The following BMPR1B variants were observed in gnomAD, a reference collection of about 807,000 sequenced individuals.
The protein encoded by BMPR1B is bone morphogenetic protein receptor type-1B.
A neutral mutation model predicts 59.1 loss-of-function variants in BMPR1B; 12 were observed. The observed-to-expected ratio is 0.20, with a 90% CI of 0.13 to 0.33. BMPR1B has a LOEUF of 0.33. Ranked by LOEUF, BMPR1B falls within the 10% of genes least tolerant of loss-of-function variation. BMPR1B has a pLI of 1.00. For missense variants in BMPR1B, 550 were observed against 610.9 expected, an observed-to-expected ratio of 0.90 and a Z score of 1.05; for synonymous variants, 237 against 207.3, an observed-to-expected ratio of 1.14 and a Z score of -1.23.
intron 3 of BMPR1B, among the ~76,000 whole-genome samples, chr4:95,094,044 T>C (rs1273388923): frequency 6.6e-6 from 1 of 152,118 alleles, no homozygotes; most frequent in African/African-American, 2.4e-5. Flanking sequence ...ACATCTCTTT[T>C]ATTGTTTTCC....
intron 3 of BMPR1B, chr4:95,091,591 GC>G: frequency 2.0e-6 from 2 of 985,182 alleles, no homozygotes; most frequent in South Asian, 9.4e-5. Context: ...ATCCTAGGGA[GC>G]CTGGCAACCA....
intron 1 of BMPR1B, among the ~76,000 whole-genome samples, chr4:94,786,677 T>C (rs1456498866): frequency 6.6e-6 from 1 of 152,124 alleles, no homozygotes; most frequent in Non-Finnish European, 1.5e-5. Context: ...TAGCTGGGAC[T>C]ACAGGCACCC....
At chr4:94,976,671 T>C (rs1578872365) in intron 2 of BMPR1B, among the ~76,000 whole-genome samples, 1 of 152,224 alleles carries the variant, frequency 6.6e-6, no homozygotes, top group East Asian at 1.9e-4. Flanking sequence ...GGAAAACCTT[T>C]GAACTAAAAA....
chr4:95,043,532 A>G (rs1452661362), intron 3 of BMPR1B, among the ~76,000 whole-genome samples: 1 of 152,214 alleles, frequency 6.6e-6, no homozygotes, highest in Non-Finnish European at 1.5e-5. Flanking sequence ...TGCACAGGCC[A>G]TGCATATAAT....
chr4:95,049,120 G>T (rs1220340223), intron 3 of BMPR1B, among the ~76,000 whole-genome samples: 1 of 152,052 alleles, frequency 6.6e-6, no homozygotes, highest in Non-Finnish European at 1.5e-5. Context: ...CTGAAGTCCA[G>T]AAGTCTTTTT....
At chr4:94,971,617 A>G (rs908071865) in intron 2 of BMPR1B, among the ~76,000 whole-genome samples, 1 of 151,964 alleles carries the variant, frequency 6.6e-6, no homozygotes. Flanking sequence ...ATTTATTGAT[A>G]GACTTACTCC....
chr4:94,926,267 C>T (rs1190936287), intron 2 of BMPR1B, among the ~76,000 whole-genome samples: 1 of 151,758 alleles, frequency 6.6e-6, no homozygotes, highest in East Asian at 1.9e-4. Context: ...GCTTTTCGTT[C>T]TGAATAGATG....
chr4:94,833,689 G>A (rs2214395), intron 1 of BMPR1B, among the ~76,000 whole-genome samples: 133,961 of 152,222 alleles, frequency 0.88, 59,343 homozygotes, highest in East Asian at 1. Context: ...ATAGAATTTT[G>A]AAAGGATGAT....
chr4:94,852,289 T>G (rs1202141873), intron 1 of BMPR1B, among the ~76,000 whole-genome samples: 10 of 152,252 alleles, frequency 6.6e-5, no homozygotes, highest in Non-Finnish European at 1.3e-4. Context: ...ATCTGCGGTT[T>G]TAAGTGAATA....
chr4:95,041,098 G>A (rs1186846102), intron 3 of BMPR1B, among the ~76,000 whole-genome samples: 1 of 152,168 alleles, frequency 6.6e-6, no homozygotes, highest in Non-Finnish European at 1.5e-5. Flanking sequence ...TGTATTTGAT[G>A]TACATTGGCA....
intron 1 of BMPR1B, among the ~76,000 whole-genome samples, chr4:94,874,580 T>A (rs2148971398): frequency 6.6e-6 from 1 of 152,358 alleles, no homozygotes; most frequent in Non-Finnish European, 1.5e-5. Context: ...GTGATGTGAA[T>A]ACTAACAAAA....
chr4:94,862,357 G>T (rs1247591259), intron 1 of BMPR1B, among the ~76,000 whole-genome samples: 1 of 151,574 alleles, frequency 6.6e-6, no homozygotes, highest in Non-Finnish European at 1.5e-5. Context: ...CACCATGTTG[G>T]CCAGGCTAGT....
intron 3 of BMPR1B, among the ~76,000 whole-genome samples, chr4:95,073,485 C>A (rs1298746773): frequency 6.6e-6 from 1 of 152,106 alleles, no homozygotes; most frequent in South Asian, 2.1e-4. Context: ...AGATCAAAAT[C>A]ATTTCCTCCC....
At chr4:94,778,443 A>G (rs746115697) in intron 1 of BMPR1B, among the ~76,000 whole-genome samples, 1 of 152,070 alleles carries the variant, frequency 6.6e-6, no homozygotes, top group Non-Finnish European at 1.5e-5. Flanking sequence ...TTTGTGATAC[A>G]CTGTTGGGGG....
chr4:95,122,025 A>G (rs930287140), intron 6 of BMPR1B, among the ~76,000 whole-genome samples: 2 of 152,192 alleles, frequency 1.3e-5, no homozygotes, highest in Admixed American at 1.3e-4. Context: ...GGATGATTTT[A>G]TGTATAATAC....
chr4:95,056,057 G>T (rs547159660), intron 3 of BMPR1B, among the ~76,000 whole-genome samples: 2 of 152,224 alleles, frequency 1.3e-5, no homozygotes, highest in Admixed American at 6.5e-5. Context: ...ATTCATATAA[G>T]AATTTGAACA....
At chr4:94,788,010 G>A (rs529874916) in intron 1 of BMPR1B, among the ~76,000 whole-genome samples, 2 of 152,234 alleles carry the variant, frequency 1.3e-5, no homozygotes, top group East Asian at 3.9e-4. Flanking sequence ...GTATATATGG[G>A]GCTGAGTTGG....
At chr4:94,993,776 A>G (rs966527352) in intron 2 of BMPR1B, among the ~76,000 whole-genome samples, 5 of 151,292 alleles carry the variant, frequency 3.3e-5, no homozygotes, top group African/African-American at 4.9e-5. Flanking sequence ...AAAAAAAAAA[A>G]AAAAAAAAGT....
At chr4:94,798,973 A>G (rs1462427810) in intron 1 of BMPR1B, among the ~76,000 whole-genome samples, 1 of 151,898 alleles carries the variant, frequency 6.6e-6, no homozygotes, top group African/African-American at 2.4e-5. Flanking sequence ...ACTTGGCTAA[A>G]TATGAGTCAG....
Sources: gnomAD v4.1 joint callset for allele counts (sites outside exome capture counted in the v4.1 genomes callset) on GRCh38, gnomAD v4.1.1 for gene constraint, MANE v1.5 for transcripts, NCBI Gene and HGNC (gene_info 2026-07-23, HGNC 2026-07-21) for gene names.